PDXDC1: variants seen among roughly 807,000 people sequenced by gnomAD.
PDXDC1 encodes pyridoxal dependent decarboxylase domain containing 1.
PDXDC1 carries 42 observed loss-of-function variants against 100.1 expected under a neutral mutation model. The observed-to-expected ratio is 0.42, with a 90% CI of 0.33 to 0.54. The LOEUF (loss-of-function observed/expected upper bound fraction) is 0.54, where lower values mean the gene tolerates loss of function less well. Among genes scored for constraint, PDXDC1 ranks in the 20% least tolerant of loss-of-function variants. The pLI, the probability that PDXDC1 is intolerant of heterozygous loss-of-function variation, is 0.10. For synonymous variants in PDXDC1, 260 were observed against 371.7 expected (o/e 0.70, Z 3.46); for missense variants, 636 against 979.2 (o/e 0.65, Z 4.68).
chr16:15,005,558 G>A (rs1490930449), intron 5 of PDXDC1, among the ~76,000 whole-genome samples: 1 of 152,266 alleles, frequency 6.6e-6, no homozygotes, highest in Non-Finnish European at 1.5e-5. Context: ...GGCCAAGCAG[G>A]AGTATAAGTT....
At chr16:15,075,884 T>G (rs1459889767) in intron 16 of PDXDC1, among the ~76,000 whole-genome samples, 1 of 152,114 alleles carries the variant, frequency 6.6e-6, no homozygotes, top group African/African-American at 2.4e-5. Flanking sequence ...CCGCCTACTT[T>G]CTCCAGAGCT....
Position 15,047,611 on chromosome 16 carries a change from G to A in PDXDC1, c.1399+17555G>A, listed in dbSNP as rs564838525. The stretch of plus-strand genomic sequence containing the variant: ...CTGATGCGAGTGCAGTGCGCAGGCC[G>A]AGACTCCGCCTGTCCCTCCGGACCG... On this transcript the variant is annotated intron_variant, in intron 16 of 16. Transcript: ENST00000535621. 6.2e-3 allele frequency: 7,635 copies of A among 1,231,706 alleles called. 32 individuals carry two copies. Among genetic ancestry groups the A allele is most frequent in the Non-Finnish European group, 8.1e-3 (6,711 of 831,232 alleles). 76.3% of individuals were successfully genotyped at this position (1,231,706 alleles called of 1,614,324 possible). A position where few individuals can be genotyped will look rare whatever the true frequency, so the allele number is the denominator to read the frequency against.
downstream of PDXDC1, chr16:15,040,053 C>A (rs758645879): frequency 6.2e-7 from 1 of 1,605,526 alleles, no homozygotes; most frequent in Non-Finnish European, 8.5e-7. Context: ...TCTCTGCAGT[C>A]TTAATGTTGA....
chr16:15,064,482 T>C (rs1305694786), intron 16 of PDXDC1, among the ~76,000 whole-genome samples: 2 of 152,170 alleles, frequency 1.3e-5, no homozygotes, highest in Non-Finnish European at 2.9e-5. Flanking sequence ...GCCAATCGTT[T>C]GTTTTTCGTT....
At chr16:15,048,133 TA>T (rs2044150307) in intron 16 of PDXDC1, 6 of 1,427,008 alleles carry the variant, frequency 4.2e-6, no homozygotes, top group Non-Finnish European at 5.9e-6. Context: ...AATAGTGATG[TA>T]AATTAGTGAG....
In PDXDC1 at chr16:15,087,734, T is replaced by A. The variant is rs537826364; in HGVS notation, c.1400-51145T>A. Among the ~76,000 whole-genome samples, 240 of 152,310 alleles carry A rather than the reference T, an allele frequency of 1.6e-3. 3 individuals carry two copies. In the South Asian group the frequency reaches 0.016, roughly 10 times the overall value. ...ATGTAGAAAACAAGCTAAGTTAGTGTACAAATAAAATAAACTATCCTATCT... is the reference window on the plus strand; with the variant it reads ...ATGTAGAAAACAAGCTAAGTTAGTGAACAAATAAAATAAACTATCCTATCT... On this transcript the variant is annotated intron_variant, in intron 16 of 16. Transcript: ENST00000535621.
chr16:15,125,787 G>A, intron 16 of PDXDC1: 6 of 1,431,092 alleles, frequency 4.2e-6, no homozygotes, highest in Non-Finnish European at 5.8e-6. Flanking sequence ...CGGCAGGTGT[G>A]GGGCTCGGGC....
intron 16 of PDXDC1, among the ~76,000 whole-genome samples, chr16:15,043,499 G>A (rs141236414): frequency 1.1e-3 from 171 of 152,316 alleles, no homozygotes; most frequent in African/African-American, 4.0e-3. Flanking sequence ...CCATGATGGC[G>A]CCACTGCACT....
intron 14 of PDXDC1, among the ~76,000 whole-genome samples, chr16:15,027,500 T>C (rs1469785110): frequency 2.6e-5 from 4 of 152,290 alleles, no homozygotes; most frequent in Admixed American, 6.5e-5. Flanking sequence ...CCCAGGTTCT[T>C]GTCTTGGTGT....
intron 16 of PDXDC1, among the ~76,000 whole-genome samples, chr16:15,070,687 C>T (rs1056794694): frequency 2.0e-5 from 3 of 152,088 alleles, no homozygotes; most frequent in Admixed American, 6.6e-5. Context: ...AGGGTTTCAA[C>T]AGCATCCTTG....
At chr16:15,076,127 C>A (rs926967549) in intron 16 of PDXDC1, among the ~76,000 whole-genome samples, 6 of 152,212 alleles carry the variant, frequency 3.9e-5, no homozygotes. Flanking sequence ...TGCTCCCTGA[C>A]ACCCTCTGTC....
chr16:15,081,237 A>G (rs2045690917), intron 16 of PDXDC1, among the ~76,000 whole-genome samples: 1 of 152,214 alleles, frequency 6.6e-6, no homozygotes, highest in African/African-American at 2.4e-5. Context: ...TAAACCCAGA[A>G]ATGGAACTGC....
At chr16:15,086,448 G>A (rs759874109) in intron 16 of PDXDC1, 5 of 1,611,470 alleles carry the variant, frequency 3.1e-6, no homozygotes, top group Non-Finnish European at 4.2e-6. Context: ...TTGATGATCT[G>A]GTCATCCTTA....
rs200924494 is a variant in PDXDC1 at position 15,031,812 on chromosome 16, C to G, written c.1477C>G (p.Leu493Val). The change falls in exon 17 of 23, where the codon CTC becomes GTC. Residue 493 changes from leucine to valine, a missense_variant. This residue lies in a region of PDXDC1 where 452 missense variants were observed against 402.9 expected (regional missense o/e 1.12). Transcript: ENST00000396410. Reference sequence around the variant, plus strand: ...CAAACTGCCAGTGCTGTGCTGTACGCTCCAGTTGCGTGAAGAGTTCAAGCA... The same window carrying G: ...CAAACTGCCAGTGCTGTGCTGTACGGTCCAGTTGCGTGAAGAGTTCAAGCA... ...ESKLPVLCCT[L>V]QLREEFKQEV... The G allele has an allele frequency of 6.2e-7, 1 of 1,613,802 alleles. No homozygotes were observed. The highest frequency in any genetic ancestry group is 1.3e-5 in the African/African-American group (1 of 74,878).
chr16:15,133,167 C>T (rs1160975813), intron 16 of PDXDC1: 31 of 901,750 alleles, frequency 3.4e-5, no homozygotes, highest in South Asian at 2.5e-4. Flanking sequence ...CTCTGGGGCC[C>T]GGGATAAGCC....
rs747491304 is a variant in PDXDC1, at chr16:15,127,948, C to A, written c.1400-10931C>A. 8 of 1,505,846 alleles carry A rather than the reference C, an allele frequency of 5.3e-6. No homozygotes were observed. The African/African-American group carries it at 9.6e-5, about 18-fold the overall frequency. The allele number at this position is 1,505,846 out of a possible 1,614,324, so 93.3% of individuals were successfully genotyped here. A position where few individuals can be genotyped will look rare whatever the true frequency, so the allele number is the denominator to read the frequency against. ...CAGGAGGCCACGGGGCAGGACCACC[C>A]TGCCCAACCTCCCACGGAGTGGGAA... On this transcript the variant is annotated intron_variant, in intron 16 of 16. Transcript: ENST00000535621.
chr16:15,130,732 G>A (rs765361729), intron 16 of PDXDC1: 299 of 1,451,368 alleles, frequency 2.1e-4, no homozygotes, highest in Non-Finnish European at 2.2e-4. Flanking sequence ...TCATTGGGCC[G>A]GGGCTCCGAG....
intron 16 of PDXDC1, chr16:15,072,989 A>T: frequency 6.2e-7 from 1 of 1,613,720 alleles, no homozygotes; most frequent in Non-Finnish European, 8.5e-7. Context: ...AAAACTGTAC[A>T]TGGCAGGAGG....
intron 12 of PDXDC1, among the ~76,000 whole-genome samples, chr16:15,020,111 C>CA (rs56353637): frequency 0.032 from 2,933 of 90,710 alleles, 120 homozygotes; most frequent in African/African-American, 0.077. Context: ...GGCTCCGTCT[C>CA]AAAAAAAAAA....
Sources: allele counts gnomAD v4.1 joint callset (sites outside exome capture counted in the v4.1 genomes callset), GRCh38; gene constraint gnomAD v4.1.1; regional missense constraint gnomAD v4.1.1; transcripts MANE v1.5; gene names NCBI Gene and HGNC (gene_info 2026-07-23, HGNC 2026-07-21).